Variants in NALCN observed in about 807,000 individuals in gnomAD.
NALCN encodes the protein sodium leak channel NALCN.
A neutral mutation model predicts 225.3 loss-of-function variants in NALCN; 111 were observed. The ratio of observed to expected loss-of-function variants is 0.49; its 90% CI spans 0.42 to 0.58. The LOEUF (loss-of-function observed/expected upper bound fraction) is 0.58, where lower values mean the gene tolerates loss of function less well. NALCN is among the 20% of genes least tolerant of loss of function. The probability of loss-of-function intolerance (pLI) is 0.00; values close to 1 mark genes in which losing one functional copy is unlikely to be tolerated. For synonymous variants in NALCN, 764 were observed against 769.0 expected (o/e 0.99, Z 0.11); for missense variants, 1,378 against 2,202.4 (o/e 0.63, Z 7.49).
chr13:101,365,843 G>A (rs1374242589), intron 6 of NALCN, among the ~76,000 whole-genome samples: 1 of 152,082 alleles, frequency 6.6e-6, no homozygotes, highest in Non-Finnish European at 1.5e-5. Context: ...CTGAGTTCCT[G>A]TTTGAATCCT....
chr13:101,160,448 T>C (rs1421737363), intron 15 of NALCN, among the ~76,000 whole-genome samples: 1 of 152,084 alleles, frequency 6.6e-6, no homozygotes, highest in Non-Finnish European at 1.5e-5. Context: ...TGGGAACCAA[T>C]ACTCCCTCAG....
intron 6 of NALCN, among the ~76,000 whole-genome samples, chr13:101,358,465 T>C (rs747342518): frequency 6.6e-6 from 1 of 152,106 alleles, no homozygotes; most frequent in South Asian, 2.1e-4. Context: ...CACTGATCAC[T>C]AGGGAAATGC....
chr13:101,412,168 T>C (rs2047808336), intron 1 of NALCN, among the ~76,000 whole-genome samples: 1 of 152,250 alleles, frequency 6.6e-6, no homozygotes, highest in African/African-American at 2.4e-5. Context: ...TCTGAAGATT[T>C]GGATTGTTTT....
intron 7 of NALCN, among the ~76,000 whole-genome samples, chr13:101,304,482 G>A (rs942447307): frequency 6.6e-6 from 1 of 151,896 alleles, no homozygotes; most frequent in Non-Finnish European, 1.5e-5. Flanking sequence ...TTTGAGACAG[G>A]GTTTGGCTCT....
chr13:101,381,457 T>G (rs2139435843), intron 3 of NALCN, among the ~76,000 whole-genome samples: 1 of 152,306 alleles, frequency 6.6e-6, no homozygotes, highest in South Asian at 2.1e-4. Context: ...TATTGCACAG[T>G]TGAAAATGTA....
intron 28 of NALCN, among the ~76,000 whole-genome samples, chr13:101,091,353 T>C (rs2034224543): frequency 6.6e-6 from 1 of 152,186 alleles, no homozygotes; most frequent in Non-Finnish European, 1.5e-5. Flanking sequence ...TCTGGTTCTG[T>C]ACTTTTCTAC....
chr13:101,295,245 C>T (rs1043250462), intron 7 of NALCN, among the ~76,000 whole-genome samples: 5 of 152,124 alleles, frequency 3.3e-5, no homozygotes, highest in African/African-American at 1.2e-4. Context: ...AATACCTTTG[C>T]TTTATGTGCA....
At chr13:101,179,715 C>G (rs1409693426) in intron 14 of NALCN, among the ~76,000 whole-genome samples, 1 of 152,136 alleles carries the variant, frequency 6.6e-6, no homozygotes, top group East Asian at 1.9e-4. Flanking sequence ...AGCTCTGATT[C>G]CCAGTGATGT....
chr13:101,376,871 A>C, intron 5 of NALCN, 43 bp from the exon 6 acceptor site: 1 of 1,612,686 alleles, frequency 6.2e-7, no homozygotes, highest in Non-Finnish European at 8.5e-7. Flanking sequence ...ACTTACAAAA[A>C]ACTTCATAAA....
In NALCN at chr13:101,129,720, T is replaced by C. The variant is rs866522152; in HGVS notation, c.2119-5039A>G. ...ATTTAAATTCATGACCCAGGATTTT[T>C]TTTTTTTTTTTTTAGTTATACTTTA... On this transcript the variant is annotated intron_variant, in intron 17 of 43. Coordinates refer to ENST00000251127, the MANE Select transcript of NALCN (RefSeq NM_052867.4). Among the ~76,000 whole-genome samples, 480 of 151,510 alleles carry C rather than the reference T, an allele frequency of 3.2e-3. 4 individuals carry two copies. Among genetic ancestry groups the C allele is most frequent in the African/African-American group, 0.011 (438 of 41,212 alleles).
chr13:101,255,754 C>T (rs2042210317), intron 11 of NALCN, among the ~76,000 whole-genome samples: 1 of 152,196 alleles, frequency 6.6e-6, no homozygotes, highest in Non-Finnish European at 1.5e-5. Context: ...CCAGAATCTA[C>T]TTTCTGTCTG....
chr13:101,258,256 C>T (rs1244891348), intron 11 of NALCN, among the ~76,000 whole-genome samples, 187 bp downstream of exon 11: 1 of 152,076 alleles, frequency 6.6e-6, no homozygotes, highest in South Asian at 2.1e-4. Context: ...GACTCAGGCC[C>T]GCGGTGACAG....
At chr13:101,207,368 T>A (rs1396306837) in intron 13 of NALCN, among the ~76,000 whole-genome samples, 1 of 152,236 alleles carries the variant, frequency 6.6e-6, no homozygotes, top group Non-Finnish European at 1.5e-5. Flanking sequence ...TTAGAAAATA[T>A]TTTTGGTGGT....
At chr13:101,163,586 C>CT (rs796131576) in intron 15 of NALCN, among the ~76,000 whole-genome samples, 1 of 152,120 alleles carries the variant, frequency 6.6e-6, no homozygotes, top group East Asian at 1.9e-4. Flanking sequence ...AAGAAAATAA[C>CT]TCCAACTGCT....
chr13:101,073,852 T>A (rs769915470), intron 36 of NALCN, among the ~76,000 whole-genome samples, 175 bp from the exon 37 acceptor site: 2 of 152,202 alleles, frequency 1.3e-5, no homozygotes, highest in African/African-American at 4.8e-5. Context: ...CCTCCAAGTA[T>A]AGCCGTCTGA....
rs189418468 is a variant in NALCN, at chr13:101,060,026, G to A, written c.4756-59C>T. Reference sequence around the variant, plus strand: ...AGCCCAGCATCCTGCCTGCCCCACCGCCACACAAATCTTATTTTCTTCTCC... The same window carrying A: ...AGCCCAGCATCCTGCCTGCCCCACCACCACACAAATCTTATTTTCTTCTCC... On this transcript the variant is annotated intron_variant, in intron 41 of 43. Transcript: ENST00000251127. 3.6e-3 allele frequency: 5,628 copies of A among 1,582,618 alleles called. 11 individuals carry two copies. Among genetic ancestry groups the A allele is most frequent in the Non-Finnish European group, 4.3e-3 (4,964 of 1,158,802 alleles).
chr13:101,335,290 A>AATATCTGG (rs1432097065), intron 7 of NALCN, among the ~76,000 whole-genome samples: 2 of 152,160 alleles, frequency 1.3e-5, no homozygotes, highest in African/African-American at 4.8e-5. Flanking sequence ...CATTCTGAAG[A>AATATCTGG]ATATCTGGAC....
intron 7 of NALCN, among the ~76,000 whole-genome samples, chr13:101,316,398 C>T (rs150017026): frequency 3.3e-5 from 5 of 152,194 alleles, no homozygotes; most frequent in East Asian, 3.9e-4. Context: ...CTGGTTAGGG[C>T]GACCTCCTAG....
chr13:101,224,696 G>A (rs767455249), intron 13 of NALCN, among the ~76,000 whole-genome samples: 2 of 152,026 alleles, frequency 1.3e-5, no homozygotes, highest in Non-Finnish European at 2.9e-5. Context: ...CCGACACCCT[G>A]TTCAGAGATT....
Sources: allele counts gnomAD v4.1 joint callset (sites outside exome capture counted in the v4.1 genomes callset), GRCh38; gene constraint gnomAD v4.1.1; transcripts MANE v1.5; gene names NCBI Gene and HGNC (gene_info 2026-07-23, HGNC 2026-07-21).